SAXO2: variants seen among roughly 807,000 people sequenced by gnomAD.
The protein encoded by SAXO2 is family with sequence similarity 154, member B.
SAXO2 carries 17 observed loss-of-function variants against 18.7 expected under a neutral mutation model. That is an observed-to-expected ratio of 0.91 (90% confidence interval 0.62 to 1.36). SAXO2 has a LOEUF of 1.36. Ranked by LOEUF, SAXO2 falls within the 40% of genes most tolerant of loss-of-function variation. The pLI is 0.00. For synonymous variants in SAXO2, 163 were observed against 181.2 expected (o/e 0.90, Z 0.81); for missense variants, 486 against 562.6 (o/e 0.86, Z 1.38).
intron 1 of SAXO2, chr15:82,263,236 G>C (rs1440336067): frequency 6.8e-7 from 1 of 1,476,874 alleles, no homozygotes; most frequent in East Asian, 2.5e-5. Context: ...CTGGTGAGTA[G>C]TGGGATGTGA....
chr15:82,262,961 C>G (rs765271028), intron 1 of SAXO2, 29 bp downstream of exon 1: 1 of 1,584,122 alleles, frequency 6.3e-7, no homozygotes, highest in Non-Finnish European at 8.6e-7. Context: ...AGCGGCGGGC[C>G]CGGGCTTGGG....
At chr15:82,270,499 G>A (rs2075260948) in intron 2 of SAXO2, among the ~76,000 whole-genome samples, 1 of 152,230 alleles carries the variant, frequency 6.6e-6, no homozygotes, top group Non-Finnish European at 1.5e-5. Flanking sequence ...GAAATGGATT[G>A]AAGTGGGTGA....
At chr15:82,278,330 G>C (rs1290473338) in intron 3 of SAXO2, among the ~76,000 whole-genome samples, 1 of 152,170 alleles carries the variant, frequency 6.6e-6, no homozygotes, top group East Asian at 1.9e-4. Context: ...ATTGAAGCTG[G>C]ACTGGGACAA....
intron 3 of SAXO2, among the ~76,000 whole-genome samples, chr15:82,279,221 T>C (rs993845923): frequency 6.6e-6 from 1 of 152,206 alleles, no homozygotes; most frequent in Admixed American, 6.5e-5. Context: ...TATTTTACAT[T>C]GTGGCCTCTT....
At chr15:82,278,551 T>C (rs1325648710) in intron 3 of SAXO2, among the ~76,000 whole-genome samples, 2 of 151,882 alleles carry the variant, frequency 1.3e-5, no homozygotes, top group Non-Finnish European at 2.9e-5. Context: ...CTATCAACAA[T>C]GTTGTCCAAA....
intron 2 of SAXO2, among the ~76,000 whole-genome samples, chr15:82,269,005 A>G (rs2075245580): frequency 2.0e-5 from 3 of 152,194 alleles, no homozygotes; most frequent in Admixed American, 6.5e-5. Flanking sequence ...TGGGAAGAGC[A>G]AAGAACAACT....
At chr15:82,282,095 T>G in intron 3 of SAXO2, 24 bp from the exon 4 acceptor site, 1 of 1,541,146 alleles carries the variant, frequency 6.5e-7, no homozygotes, top group South Asian at 1.2e-5. Flanking sequence ...TTAAAAATGT[T>G]TTTGCTTTGT....
rs185773077 is a variant in SAXO2, at chr15:82,276,496, T to C, written c.433+4694T>C. Among the ~76,000 whole-genome samples, 3 of 152,260 alleles carry C rather than the reference T, an allele frequency of 2.0e-5. No individual in the cohort carries two copies. The East Asian group carries it at 5.8e-4, about 29-fold the overall frequency. ...AGTAACCAAAACAGCATGGTACTGG[T>C]ACAAAAATAGACACATAGACCAATG... On this transcript the variant is annotated intron_variant, in intron 3 of 3. Coordinates refer to ENST00000682753, the MANE Select transcript of SAXO2 (RefSeq NM_001348699.2).
chr15:82,272,223 C>T (rs1401817579), intron 3 of SAXO2: 2 of 171,002 alleles, frequency 1.2e-5, no homozygotes, highest in Non-Finnish European at 2.5e-5. Context: ...CCATTCAAGT[C>T]CTGAACCAAC....
rs1186903909 is a variant in SAXO2, at chr15:82,284,913, T to C, written c.*1851T>C. On this transcript the variant is annotated 3_prime_UTR_variant, in exon 4 of 4. Coordinates refer to ENST00000682753, the MANE Select transcript of SAXO2 (RefSeq NM_001348699.2). ...AACATAATAAAATCAATAAAAGGAA[T>C]GGATTTTCAAGAAATCATTTCTTTA... 6.6e-6 allele frequency: 1 copy of C among 152,236 alleles called. No individual in the cohort carries two copies. Among genetic ancestry groups the C allele is most frequent in the Non-Finnish European group, 1.5e-5 (1 of 68,040 alleles). 9.4% of individuals were successfully genotyped at this position (152,236 alleles called of 1,614,324 possible). A position where few individuals can be genotyped will look rare whatever the true frequency, so the allele number is the denominator to read the frequency against.
At chr15:82,279,129 G>T (rs1179848066) in intron 3 of SAXO2, among the ~76,000 whole-genome samples, 4 of 152,054 alleles carry the variant, frequency 2.6e-5, no homozygotes, top group Non-Finnish European at 5.9e-5. Flanking sequence ...TCTATTAAAA[G>T]ATAATGAAGT....
chr15:82,269,552 G>A (rs1161981300), intron 2 of SAXO2, among the ~76,000 whole-genome samples: 1 of 152,154 alleles, frequency 6.6e-6, no homozygotes. Flanking sequence ...GTAATAAGAA[G>A]CCATGAAGGT....
chr15:82,270,651 T>C (rs1596029939), intron 2 of SAXO2, among the ~76,000 whole-genome samples: 1 of 152,272 alleles, frequency 6.6e-6, no homozygotes, highest in East Asian at 1.9e-4. Context: ...GAGTCACGTG[T>C]CAATAGAGTC....
chr15:82,263,656 AAT>A (rs2075167407), intron 1 of SAXO2, among the ~76,000 whole-genome samples: 2 of 152,232 alleles, frequency 1.3e-5, no homozygotes, highest in African/African-American at 4.8e-5. Flanking sequence ...CAGTTTTTTT[AAT>A]AGTCTCATAA....
intron 2 of SAXO2, among the ~76,000 whole-genome samples, chr15:82,266,513 G>C (rs1374119276): frequency 6.6e-6 from 1 of 152,120 alleles, no homozygotes; most frequent in Non-Finnish European, 1.5e-5. Flanking sequence ...TTTCACTGTA[G>C]TGTCCTTTTC....
chr15:82,267,958 C>T (rs941713511), intron 2 of SAXO2, among the ~76,000 whole-genome samples: 3 of 152,190 alleles, frequency 2.0e-5, no homozygotes, highest in African/African-American at 4.8e-5. Context: ...AGGTCAGGCA[C>T]TGGACTGCTT....
At chr15:82,266,747 A>G (rs942967045) in intron 2 of SAXO2, among the ~76,000 whole-genome samples, 9 of 152,222 alleles carry the variant, frequency 5.9e-5, no homozygotes, top group Non-Finnish European at 1.2e-4. Flanking sequence ...AAGCTCCCAA[A>G]GCACCTTCCT....
intron 1 of SAXO2, chr15:82,263,386 T>G (rs1340085348): frequency 1.4e-6 from 1 of 735,178 alleles, no homozygotes; most frequent in East Asian, 2.7e-5. Flanking sequence ...CAGACCATAT[T>G]CCCATTCCCG....
rs774805206 is a variant in SAXO2, at chr15:82,282,447, A to G, written c.762A>G (p.Glu254=). Reference sequence around the variant, plus strand: ...GTGACTTTCAGGGTCTCATTGGTGAAACTGCAAAACTCTGCAGACCTGTAC... The same window carrying G: ...GTGACTTTCAGGGTCTCATTGGTGAGACTGCAAAACTCTGCAGACCTGTAC... ...HRCDFQGLIG[E]TAKLCRPVHT... Residue 254 remains glutamate (E), a synonymous_variant, in exon 4 of 4, where the codon GAA becomes GAG. Coordinates refer to ENST00000682753, the MANE Select transcript of SAXO2 (RefSeq NM_001348699.2). The G allele has an allele frequency of 5.0e-6, 8 of 1,614,148 alleles. No homozygotes were observed. Among genetic ancestry groups the G allele is most frequent in the Middle Eastern group, 3.3e-4 (2 of 6,062 alleles).
Sources: gnomAD v4.1 joint callset for allele counts (sites outside exome capture counted in the v4.1 genomes callset) on GRCh38, gnomAD v4.1.1 for gene constraint, MANE v1.5 for transcripts, NCBI Gene and HGNC (gene_info 2026-07-23, HGNC 2026-07-21) for gene names.